ESRRB: variants seen among roughly 807,000 people sequenced by gnomAD.
ESRRB encodes the protein steroid hormone receptor ERR2.
Under a neutral mutation model 46.0 loss-of-function variants are expected in ESRRB, and 16 were observed. The ratio of observed to expected loss-of-function variants is 0.35; its 90% CI spans 0.24 to 0.53. The LOEUF is 0.53. Ranked by LOEUF, ESRRB falls within the 20% of genes least tolerant of loss-of-function variation. The pLI is 0.93. For synonymous variants in ESRRB, 246 were observed against 259.6 expected, an observed-to-expected ratio of 0.95 and a Z score of 0.50; for missense variants, 488 against 607.4, an observed-to-expected ratio of 0.80 and a Z score of 2.07.
chr14:76,385,353 C>A (rs1008685067), intron 1 of ESRRB, among the ~76,000 whole-genome samples: 8 of 152,294 alleles, frequency 5.3e-5, no homozygotes, highest in African/African-American at 1.7e-4. Flanking sequence ...TCTGCTTTCC[C>A]CCTCAATCGG....
chr14:76,385,239 TCA>T (rs905232025), intron 1 of ESRRB, among the ~76,000 whole-genome samples: 4 of 148,160 alleles, frequency 2.7e-5, no homozygotes, highest in Non-Finnish European at 5.9e-5. Context: ...CAACCAAACC[TCA>T]AAGCTTTGGA....
chr14:76,457,826 CCAT>C, intron 2 of ESRRB, among the ~76,000 whole-genome samples: 1 of 152,230 alleles, frequency 6.6e-6, no homozygotes, highest in South Asian at 2.1e-4. Context: ...ATGCCCACCA[CCAT>C]GCCTGGCTAA....
chr14:76,413,076 T>A (rs1208032844), intron 1 of ESRRB, among the ~76,000 whole-genome samples: 1 of 152,162 alleles, frequency 6.6e-6, no homozygotes, highest in East Asian at 1.9e-4. Flanking sequence ...CTTGGGTTTC[T>A]TTGATGAGGA....
At chr14:76,491,950 A>T (rs534511936) in intron 6 of ESRRB, among the ~76,000 whole-genome samples, 1 of 152,360 alleles carries the variant, frequency 6.6e-6, no homozygotes, top group African/African-American at 2.4e-5. Context: ...AGACTGGCAC[A>T]CTGGCTAAGG....
At chr14:76,414,973 A>T (rs965145487) in intron 1 of ESRRB, among the ~76,000 whole-genome samples, 2 of 152,182 alleles carry the variant, frequency 1.3e-5, no homozygotes, top group Non-Finnish European at 2.9e-5. Flanking sequence ...AAATTCTATG[A>T]AAACTCTACA....
chr14:76,421,359 G>A (rs181552214), intron 1 of ESRRB, among the ~76,000 whole-genome samples: 67 of 152,280 alleles, frequency 4.4e-4, no homozygotes, highest in African/African-American at 1.6e-3. Context: ...TGCCTCGATT[G>A]ATTTTCCCAT....
rs997250341 is a variant in ESRRB at position 76,478,338 on chromosome 14, A to G, written c.578-3678A>G. Among the ~76,000 whole-genome samples the G allele has an allele frequency of 2.6e-5, 4 of 152,292 alleles. No individual in the cohort carries two copies. The Middle Eastern group carries it at 0.01, about 389-fold the overall frequency. ...ATCAAGTCTTTCCTGAACATCCATGAAAGGTCAGGCCCTATATCAGGACAC... is the reference window on the plus strand; with the variant it reads ...ATCAAGTCTTTCCTGAACATCCATGGAAGGTCAGGCCCTATATCAGGACAC... On this transcript the variant is annotated intron_variant, in intron 3 of 6. Transcript: ENST00000644823.
chr14:76,404,678 G>C (rs1452492493), intron 1 of ESRRB, among the ~76,000 whole-genome samples: 2 of 152,168 alleles, frequency 1.3e-5, no homozygotes, highest in Non-Finnish European at 2.9e-5. Context: ...TCTGGCAACA[G>C]CTCCAGCCCA....
At position 76,498,224 on chromosome 14, in the gene ESRRB, C is replaced by T; in HGVS notation, c.1131C>T (p.Tyr377=). 1 of 1,613,880 alleles carries T rather than the reference C, an allele frequency of 6.2e-7. No individual in the cohort carries two copies. Among genetic ancestry groups the T allele is most frequent in the Non-Finnish European group, 8.5e-7 (1 of 1,180,020 alleles). Residue 377 remains tyrosine, a synonymous_variant, in exon 7 of 7, where the codon TAC becomes TAT. Transcript: ENST00000644823. ...ALALANSDSM[Y]IEDLEAVQKL... ...TCCTTGTGCCTGCAGATTCCATGTA[C>T]ATCGAGGATCTAGAGGCTGTCCAGA...
intron 1 of ESRRB, among the ~76,000 whole-genome samples, chr14:76,433,431 G>A (rs146137155): frequency 1.3e-5 from 2 of 152,210 alleles, no homozygotes; most frequent in East Asian, 1.9e-4. Context: ...GGGAGGTATC[G>A]ATACCTAATT....
In ESRRB at chr14:76,420,595, T is replaced by G. The variant is rs866731483; in HGVS notation, c.51-18746T>G. Among the ~76,000 whole-genome samples, 142 of 93,190 alleles carry G rather than the reference T, an allele frequency of 1.5e-3. 1 individual carries two copies. Among genetic ancestry groups the G allele is most frequent in the African/African-American group, 3.0e-3 (64 of 21,374 alleles). The allele number at this position is 93,190 out of a possible 152,430, so 61.1% of individuals were successfully genotyped here. A position where few individuals can be genotyped will look rare whatever the true frequency, so the allele number is the denominator to read the frequency against. ...TGTGTGTGTGTGTGTGTGTGTGTGT[T>G]TGTGTATGAGAGAGAGAGAGAGAGA... On this transcript the variant is annotated intron_variant, in intron 1 of 6. Transcript: ENST00000644823.
At chr14:76,472,697 C>T (rs903180846) in intron 3 of ESRRB, among the ~76,000 whole-genome samples, 1 of 152,194 alleles carries the variant, frequency 6.6e-6, no homozygotes, top group East Asian at 1.9e-4. Flanking sequence ...GGCTGGAATG[C>T]CCATCAGCAT....
chr14:76,332,822 A>T (rs927967989), intron 1 of ESRRB, among the ~76,000 whole-genome samples: 350 of 23,948 alleles, frequency 0.015, 6 homozygotes, highest in Middle Eastern at 0.083. Flanking sequence ...TTATATATTT[A>T]TATATTTATA....
Position 76,384,616 on chromosome 14 carries a change from G to A in ESRRB, c.50+8165G>A, listed in dbSNP as rs542120826. On this transcript the variant is annotated intron_variant, in intron 1 of 6. Coordinates refer to ENST00000644823, the MANE Select transcript of ESRRB (RefSeq NM_001379180.1). ...GGGAGAAGTGTTTCTTGTAAGTGATGCTGTGCCAAGTTTGACCCCACTACT... is the reference window on the plus strand; with the variant it reads ...GGGAGAAGTGTTTCTTGTAAGTGATACTGTGCCAAGTTTGACCCCACTACT... Among the ~76,000 whole-genome samples the A allele has an allele frequency of 7.9e-5, 12 of 152,278 alleles. No homozygotes were observed. In the South Asian group the frequency reaches 1.2e-3, roughly 16 times the overall value.
At chr14:76,367,836 T>C (rs1884541741), upstream of ESRRB, among the ~76,000 whole-genome samples, 1 of 151,818 alleles carries the variant, frequency 6.6e-6, no homozygotes, top group African/African-American at 2.4e-5. Context: ...GGACAACCCA[T>C]CCCTCCTTGT....
At chr14:76,320,241 AT>A (rs1883851939) in intron 1 of ESRRB, among the ~76,000 whole-genome samples, 1 of 152,256 alleles carries the variant, frequency 6.6e-6, no homozygotes, top group Admixed American at 6.5e-5. Context: ...GTAGGACACT[AT>A]CTCAGAGGCT....
chr14:76,396,463 C>T (rs1885686749), intron 1 of ESRRB, among the ~76,000 whole-genome samples: 1 of 152,082 alleles, frequency 6.6e-6, no homozygotes, highest in Non-Finnish European at 1.5e-5. Context: ...TTAACTTTGA[C>T]TCTTTTGATT....
intron 3 of ESRRB, among the ~76,000 whole-genome samples, chr14:76,474,241 C>T (rs776451343): frequency 4.6e-5 from 7 of 152,228 alleles, no homozygotes; most frequent in Non-Finnish European, 7.3e-5. Context: ...CAGTTCAAGC[C>T]AGACTCTATG....
chr14:76,451,804 T>A (rs1230806796), intron 2 of ESRRB, among the ~76,000 whole-genome samples: 6 of 150,384 alleles, frequency 4.0e-5, no homozygotes, highest in African/African-American at 1.2e-4. Flanking sequence ...TTTTTTTTTT[T>A]TTTTTTTTAG....
Sources: gnomAD v4.1 joint callset for allele counts (sites outside exome capture counted in the v4.1 genomes callset) on GRCh38, gnomAD v4.1.1 for gene constraint, MANE v1.5 for transcripts, NCBI Gene and HGNC (gene_info 2026-07-23, HGNC 2026-07-21) for gene names.